Variants in FSTL5 observed in about 807,000 individuals in gnomAD.
FSTL5 encodes follistatin-related protein 5.
In FSTL5, 62 loss-of-function variants were observed where a neutral mutation model predicts 89.1. That is an observed-to-expected ratio of 0.70 (90% CI 0.57 to 0.86). The LOEUF (loss-of-function observed/expected upper bound fraction) is 0.86. FSTL5 is among the 40% of genes least tolerant of loss of function. The probability of loss-of-function intolerance (pLI) is 0.00; values close to 1 mark genes in which losing one functional copy is unlikely to be tolerated. For synonymous variants in FSTL5, 383 were observed against 346.2 expected (o/e 1.11, Z -1.18); for missense variants, 1,057 against 1,001.6 (o/e 1.06, Z -0.75).
chr4:161,616,826 C>G (rs1734890604), intron 7 of FSTL5, among the ~76,000 whole-genome samples: 1 of 151,222 alleles, frequency 6.6e-6, no homozygotes, highest in African/African-American at 2.4e-5. Context: ...TGTAACAAAC[C>G]TGCATATCCT....
At chr4:161,588,359 T>C (rs931375902) in intron 7 of FSTL5, among the ~76,000 whole-genome samples, 3 of 152,096 alleles carry the variant, frequency 2.0e-5, no homozygotes, top group Non-Finnish European at 4.4e-5. Flanking sequence ...AGCAGTGTGA[T>C]CTCAGTGATA....
At chr4:161,573,967 A>C (rs1043400282) in intron 8 of FSTL5, among the ~76,000 whole-genome samples, 1 of 152,154 alleles carries the variant, frequency 6.6e-6, no homozygotes, top group Non-Finnish European at 1.5e-5. Context: ...TGGAGAGTAC[A>C]CGGGATAATC....
chr4:161,902,223 T>G (rs1259286889), intron 4 of FSTL5, among the ~76,000 whole-genome samples: 2 of 152,166 alleles, frequency 1.3e-5, no homozygotes, highest in Admixed American at 1.3e-4. Context: ...ATATGTAAAT[T>G]TATATTATAC....
intron 2 of FSTL5, among the ~76,000 whole-genome samples, chr4:162,095,399 A>G (rs1315051804): frequency 6.6e-6 from 1 of 152,136 alleles, no homozygotes; most frequent in Non-Finnish European, 1.5e-5. Flanking sequence ...GTGGATTTCC[A>G]CAGAAGCATA....
intron 4 of FSTL5, among the ~76,000 whole-genome samples, chr4:161,815,518 G>A (rs1332985283): frequency 6.6e-6 from 1 of 152,006 alleles, no homozygotes; most frequent in African/African-American, 2.4e-5. Context: ...AATACAGACA[G>A]CCTTAATTTT....
rs140137616 is a variant in FSTL5, at chr4:161,604,052, A to C, written c.895-16477T>G. Among the ~76,000 whole-genome samples, 11 of 152,304 alleles carry C rather than the reference A, an allele frequency of 7.2e-5. No homozygotes were observed. In the East Asian group the frequency reaches 2.1e-3, roughly 29 times the overall value. On this transcript the variant is annotated intron_variant, in intron 7 of 15. Transcript: ENST00000306100. ...TCTGATGTCATTATACCTTCAAATC[A>C]TAAAACTAACCAACTCTTGATATTT...
chr4:161,411,418 C>T (rs1404514226), intron 15 of FSTL5, among the ~76,000 whole-genome samples: 2 of 150,044 alleles, frequency 1.3e-5, no homozygotes, highest in Non-Finnish European at 3.0e-5. Flanking sequence ...CCCTGATGAA[C>T]ATAGATGCAA....
At chr4:161,656,298 A>G in intron 7 of FSTL5, 30 bp downstream of exon 7, 1 of 1,245,196 alleles carries the variant, frequency 8.0e-7, no homozygotes, top group Non-Finnish European at 1.1e-6. Context: ...AAATATATAT[A>G]TTATAAAGCA....
chr4:161,464,611 C>T (rs1733688263), intron 13 of FSTL5, among the ~76,000 whole-genome samples: 1 of 152,190 alleles, frequency 6.6e-6, no homozygotes, highest in South Asian at 2.1e-4. Context: ...AGAAGTTAAG[C>T]TTTTTGTGTT....
At position 161,651,401 on chromosome 4, in the gene FSTL5, T is replaced by A. The variant is rs142585157; in HGVS notation, c.894+4927A>T. ...GCTATTATAACTAGATAAAATTTGG[T>A]TCCAGCATTTCCTGTGAATTCCCAA... On this transcript the variant is annotated intron_variant, in intron 7 of 15. Coordinates refer to ENST00000306100, the MANE Select transcript of FSTL5 (RefSeq NM_020116.5). Among the ~76,000 whole-genome samples, 518 of 152,168 alleles carry A rather than the reference T, an allele frequency of 3.4e-3. 5 individuals carry two copies. The highest frequency in any genetic ancestry group is 0.012 in the African/African-American group (505 of 41,514).
At chr4:162,069,265 G>C (rs1729495617) in intron 2 of FSTL5, among the ~76,000 whole-genome samples, 1 of 151,620 alleles carries the variant, frequency 6.6e-6, no homozygotes, top group Non-Finnish European at 1.5e-5. Context: ...TTTTAAATTG[G>C]CATAATAATT....
chr4:161,602,505 T>C (rs1455527289), intron 7 of FSTL5, among the ~76,000 whole-genome samples: 2 of 151,266 alleles, frequency 1.3e-5, no homozygotes, highest in Non-Finnish European at 2.9e-5. Flanking sequence ...AGAGGGAAAA[T>C]AGAGATTGGA....
chr4:162,046,215 T>C (rs1738171984), intron 2 of FSTL5, among the ~76,000 whole-genome samples: 1 of 152,164 alleles, frequency 6.6e-6, no homozygotes, highest in Non-Finnish European at 1.5e-5. Flanking sequence ...ATGTCTGACC[T>C]CTGAAGTTCA....
intron 4 of FSTL5, among the ~76,000 whole-genome samples, chr4:161,869,500 G>C (rs1579156261): frequency 6.6e-6 from 1 of 152,148 alleles, no homozygotes; most frequent in East Asian, 1.9e-4. Context: ...ACCTTCCCCA[G>C]CTCTAGGTAG....
In FSTL5 at chr4:161,422,020, C is replaced by A. The variant is rs184441713; in HGVS notation, c.1841+32984G>T. 8.9e-3 allele frequency among the ~76,000 whole-genome samples: 1,343 copies of A among 151,738 alleles called. 3 individuals are homozygous for A. The highest frequency in any genetic ancestry group is 0.016 in the Non-Finnish European group (1,077 of 67,950). On this transcript the variant is annotated intron_variant, in intron 15 of 15. Coordinates refer to ENST00000306100, the MANE Select transcript of FSTL5 (RefSeq NM_020116.5). ...TCTTTATATATTCATATATTCAATA[C>A]CTTATATGTGCTATGTATATTATAT...
intron 1 of FSTL5, among the ~76,000 whole-genome samples, chr4:162,142,756 C>T (rs1189032933): frequency 1.3e-5 from 2 of 152,124 alleles, no homozygotes; most frequent in African/African-American, 4.8e-5. Context: ...AACAAGCATT[C>T]TCAGTCATAA....
intron 2 of FSTL5, among the ~76,000 whole-genome samples, chr4:162,055,308 T>C (rs1250949102): frequency 6.6e-6 from 1 of 151,716 alleles, no homozygotes; most frequent in Non-Finnish European, 1.5e-5. Flanking sequence ...TATATACAAA[T>C]GAATTACATG....
intron 3 of FSTL5, among the ~76,000 whole-genome samples, chr4:161,943,538 CTTTTTTTTTTTTTTTTTTTT>C (rs77101651): frequency 4.4e-4 from 15 of 34,366 alleles, no homozygotes; most frequent in East Asian, 6.8e-4. Context: ...ACCACTGTAT[CTTTTTTTTTTTTTTTTTTTT>C]TTTTTTTTTT....
At chr4:161,550,266 G>T (rs1006708348) in intron 8 of FSTL5, among the ~76,000 whole-genome samples, 4 of 151,826 alleles carry the variant, frequency 2.6e-5, no homozygotes, top group African/African-American at 9.7e-5. Context: ...TCATTCAAAA[G>T]TATTACAATA....
Sources: allele counts gnomAD v4.1 joint callset (sites outside exome capture counted in the v4.1 genomes callset), GRCh38; gene constraint gnomAD v4.1.1; transcripts MANE v1.5; gene names NCBI Gene and HGNC (gene_info 2026-07-23, HGNC 2026-07-21).